The following ADAMTS17 variants were observed in gnomAD, a reference collection of about 807,000 sequenced individuals.
ADAMTS17 encodes the protein A disintegrin and metalloproteinase with thrombospondin motifs 17.
In ADAMTS17, 113 loss-of-function variants were observed where a neutral mutation model predicts 141.5. The observed-to-expected ratio is 0.80, with a 90% confidence interval of 0.69 to 0.93. The LOEUF is 0.93. Ranked by LOEUF, ADAMTS17 falls within the 40% of genes least tolerant of loss-of-function variation. The probability of loss-of-function intolerance (pLI) is 0.00; values close to 1 mark genes in which losing one functional copy is unlikely to be tolerated. For synonymous variants in ADAMTS17, 768 were observed against 630.6 expected (o/e 1.22, Z -3.27); for missense variants, 1,659 against 1,517.9 (o/e 1.09, Z -1.54).
intron 3 of ADAMTS17, among the ~76,000 whole-genome samples, chr15:100,296,729 C>T (rs2044836079): frequency 6.6e-6 from 1 of 152,096 alleles, no homozygotes; most frequent in Admixed American, 6.5e-5. Flanking sequence ...GAGGTATGAC[C>T]CATGCCTGCA....
intron 10 of ADAMTS17, among the ~76,000 whole-genome samples, chr15:100,148,894 G>A (rs2039034380): frequency 6.6e-6 from 1 of 152,036 alleles, no homozygotes; most frequent in African/African-American, 2.4e-5. Context: ...GAGAAGAGTG[G>A]CAGGGAGGAG....
intron 8 of ADAMTS17, among the ~76,000 whole-genome samples, chr15:100,193,255 A>C (rs1461691154): frequency 6.6e-6 from 1 of 152,152 alleles, no homozygotes; most frequent in Non-Finnish European, 1.5e-5. Context: ...GTCCTCCTTG[A>C]GGTCTCCCGG....
At chr15:100,231,654 T>C (rs117918526) in intron 7 of ADAMTS17, among the ~76,000 whole-genome samples, 2,929 of 152,268 alleles carry the variant, frequency 0.019, 46 homozygotes, top group South Asian at 0.087. Context: ...AATTTCCTGG[T>C]GTGTCCAAGG....
chr15:100,143,390 G>A (rs905244669), intron 10 of ADAMTS17, among the ~76,000 whole-genome samples: 2 of 152,144 alleles, frequency 1.3e-5, no homozygotes, highest in African/African-American at 4.8e-5. Context: ...TGACAGACAG[G>A]AGAAACTTGT....
chr15:100,077,876 T>TA (rs2034487131), intron 15 of ADAMTS17, among the ~76,000 whole-genome samples: 1 of 152,182 alleles, frequency 6.6e-6, no homozygotes, highest in Admixed American at 6.5e-5. Context: ...AGGAATCCAT[T>TA]AAAAAACCTA....
intron 7 of ADAMTS17, among the ~76,000 whole-genome samples, chr15:100,236,895 C>A (rs1392450459): frequency 6.6e-6 from 1 of 152,108 alleles, no homozygotes; most frequent in Non-Finnish European, 1.5e-5. Flanking sequence ...CCTCTGCCCC[C>A]AAAACAGAGC....
At chr15:100,287,760 T>C in intron 3 of ADAMTS17, among the ~76,000 whole-genome samples, 1 of 152,206 alleles carries the variant, frequency 6.6e-6, no homozygotes, top group Non-Finnish European at 1.5e-5. Context: ...CCAGCCAAAT[T>C]AAGCTTCATA....
chr15:100,114,822 T>G (rs2037010329), intron 13 of ADAMTS17, among the ~76,000 whole-genome samples: 1 of 152,160 alleles, frequency 6.6e-6, no homozygotes, highest in Admixed American at 6.5e-5. Context: ...CCAACCACTG[T>G]GGTGATAAGG....
intron 6 of ADAMTS17, among the ~76,000 whole-genome samples, chr15:100,258,661 TTGG>T (rs371378411): frequency 6.1e-4 from 51 of 83,970 alleles, no homozygotes; most frequent in Middle Eastern, 6.7e-3. Flanking sequence ...CACGATTCTA[TTGG>T]TCCCTCCCAC....
At chr15:100,121,356 G>T (rs1427308472) in intron 12 of ADAMTS17, among the ~76,000 whole-genome samples, 1 of 152,148 alleles carries the variant, frequency 6.6e-6, no homozygotes, top group Non-Finnish European at 1.5e-5. Flanking sequence ...CAAGAAGCTC[G>T]AGAAATTCCA....
At chr15:100,131,074 G>A (rs1482991107) in intron 12 of ADAMTS17, among the ~76,000 whole-genome samples, 3 of 152,112 alleles carry the variant, frequency 2.0e-5, no homozygotes, top group African/African-American at 7.2e-5. Flanking sequence ...GCAGGGACAT[G>A]GATGAAGCTG....
At chr15:100,232,619 T>C (rs78710601) in intron 7 of ADAMTS17, among the ~76,000 whole-genome samples, 5,840 of 152,312 alleles carry the variant, frequency 0.038, 222 homozygotes, top group African/African-American at 0.096. Flanking sequence ...CACAAAGGGC[T>C]CTGGCGGTAA....
chr15:100,196,520 C>A (rs2041123202), intron 8 of ADAMTS17, among the ~76,000 whole-genome samples: 1 of 152,242 alleles, frequency 6.6e-6, no homozygotes, highest in African/African-American at 2.4e-5. Context: ...GAGAGCCACA[C>A]CTTTGCGTGC....
intron 18 of ADAMTS17, among the ~76,000 whole-genome samples, chr15:100,036,304 C>T (rs1279158108): frequency 2.0e-5 from 3 of 152,174 alleles, no homozygotes; most frequent in African/African-American, 4.8e-5. Context: ...AGGACAGAGG[C>T]GCTGGGAGAA....
In ADAMTS17 at chr15:100,328,110, A is replaced by G. The variant is rs373159508; in HGVS notation, c.616+2779T>C. Among the ~76,000 whole-genome samples the G allele has an allele frequency of 2.0e-4, 31 of 152,314 alleles. No individual in the cohort carries two copies. The East Asian group carries it at 3.9e-3, about 19-fold the overall frequency. On this transcript the variant is annotated intron_variant, in intron 3 of 21. Coordinates refer to ENST00000268070, the MANE Select transcript of ADAMTS17 (RefSeq NM_139057.4). ...GGGTCACCAACAGGGCACGAAACCT[A>G]TGGCTGCCATGTTCAGCCAGGAAGA...
intron 15 of ADAMTS17, among the ~76,000 whole-genome samples, chr15:100,094,408 G>C (rs555451264): frequency 2.6e-4 from 40 of 152,374 alleles, no homozygotes; most frequent in Admixed American, 2.2e-3. Context: ...AGCAGGAGAG[G>C]AGGACATTAC....
chr15:100,302,138 T>G (rs2045061617), intron 3 of ADAMTS17, among the ~76,000 whole-genome samples: 1 of 152,208 alleles, frequency 6.6e-6, no homozygotes, highest in Non-Finnish European at 1.5e-5. Flanking sequence ...ATTTGCCTAT[T>G]CTGGGTATTT....
At chr15:100,187,598 C>T (rs2040765018) in intron 8 of ADAMTS17, among the ~76,000 whole-genome samples, 1 of 152,222 alleles carries the variant, frequency 6.6e-6, no homozygotes, top group Non-Finnish European at 1.5e-5. Context: ...TTGAACGTTG[C>T]TCTGGTCTTC....
chr15:100,224,142 CCA>C (rs1484370343), intron 7 of ADAMTS17, among the ~76,000 whole-genome samples: 1 of 152,102 alleles, frequency 6.6e-6, no homozygotes, highest in Non-Finnish European at 1.5e-5. Context: ...TTGCCAACAC[CCA>C]CACAGACACA....
Sources: allele counts gnomAD v4.1 joint callset (sites outside exome capture counted in the v4.1 genomes callset), GRCh38; gene constraint gnomAD v4.1.1; transcripts MANE v1.5; gene names NCBI Gene and HGNC (gene_info 2026-07-23, HGNC 2026-07-21).